C1orf21: variants seen among roughly 807,000 people sequenced by gnomAD.
C1orf21 encodes the protein chromosome 1 open reading frame 21.
Under a neutral mutation model 18.7 loss-of-function variants are expected in C1orf21, and 3 were observed. The ratio of observed to expected loss-of-function variants is 0.16; its 90% confidence interval spans 0.07 to 0.42. The LOEUF (loss-of-function observed/expected upper bound fraction) is 0.42, where lower values mean the gene tolerates loss of function less well. Ranked by LOEUF, C1orf21 falls within the 10% of genes least tolerant of loss-of-function variation. The pLI, the probability that C1orf21 is intolerant of heterozygous loss-of-function variation, is 0.99. For missense variants in C1orf21, 104 were observed against 143.6 expected (o/e 0.72, Z 1.41); for synonymous variants, 41 against 46.4 (o/e 0.88, Z 0.47).
chr1:184,414,398 G>A (rs1656413795), intron 1 of C1orf21, among the ~76,000 whole-genome samples: 1 of 152,170 alleles, frequency 6.6e-6, no homozygotes, highest in Non-Finnish European at 1.5e-5. Context: ...CAAAGTGTGA[G>A]ATGATAGGTG....
At chr1:184,440,204 C>T (rs1234569288) in intron 1 of C1orf21, among the ~76,000 whole-genome samples, 1 of 152,062 alleles carries the variant, frequency 6.6e-6, no homozygotes, top group African/African-American at 2.4e-5. Flanking sequence ...CATCAGAAAA[C>T]ATATTGATTT....
At chr1:184,501,236 C>T (rs761265464) in intron 2 of C1orf21, among the ~76,000 whole-genome samples, 4 of 152,152 alleles carry the variant, frequency 2.6e-5, no homozygotes, top group African/African-American at 7.2e-5. Context: ...ATAAGGTCTT[C>T]GGTTCCTGTA....
intron 3 of C1orf21, among the ~76,000 whole-genome samples, chr1:184,553,028 T>C (rs1169965521): frequency 2.0e-5 from 3 of 152,198 alleles, no homozygotes; most frequent in Non-Finnish European, 4.4e-5. Flanking sequence ...AAGCTCTTGG[T>C]CTACTCCTGG....
intron 5 of C1orf21, among the ~76,000 whole-genome samples, chr1:184,614,540 G>A (rs1245341972): frequency 8.6e-6 from 1 of 116,464 alleles, no homozygotes; most frequent in Non-Finnish European, 1.7e-5. Context: ...CCAGGGACTG[G>A]TTTTGTGGAA....
In C1orf21 at chr1:184,595,620, A is replaced by G. The variant is rs146098682; in HGVS notation, c.267-2781A>G. 9.8e-5 allele frequency among the ~76,000 whole-genome samples: 15 copies of G among 152,288 alleles called. No homozygotes were observed. The South Asian group carries it at 1.7e-3, about 17-fold the overall frequency. ...CTCTTCTTCTCCCTGAAACAATCCA[A>G]TGGAGAACAGCAGAGTAGGCCTCAT... On this transcript the variant is annotated intron_variant, in intron 4 of 5. Coordinates refer to ENST00000235307, the MANE Select transcript of C1orf21 (RefSeq NM_030806.4).
Position 184,619,687 on chromosome 1 carries a change from G to A in C1orf21, c.*131G>A, listed in dbSNP as rs1659885543. 1.0e-5 allele frequency: 7 copies of A among 697,792 alleles called. No individual in the cohort carries two copies. Among genetic ancestry groups the A allele is most frequent in the Admixed American group, 3.0e-5 (1 of 32,876 alleles). 43.2% of individuals were successfully genotyped at this position (697,792 alleles called of 1,614,324 possible). A position where few individuals can be genotyped will look rare whatever the true frequency, so the allele number is the denominator to read the frequency against. On this transcript the variant is annotated 3_prime_UTR_variant, in exon 6 of 6. Transcript: ENST00000235307. The stretch of plus-strand genomic sequence containing the variant: ...AAAAGAAGATCGTTCCATATTGTAC[G>A]CCCCATTAAATTACAGTGTTTCTTA...
chr1:184,622,108 G>A lies in C1orf21; in HGVS notation c.*2552G>A, dbSNP rs564486530. On this transcript the variant is annotated 3_prime_UTR_variant, in exon 6 of 6. Transcript: ENST00000235307. ...ATATTTTGCCTTTTTTTCCCCACGT[G>A]TATCTGAACATTAAGCAGATTGGCT... 1.3e-5 allele frequency: 2 copies of A among 152,036 alleles called. No homozygotes were observed. The highest frequency in any genetic ancestry group is 2.4e-5 in the African/African-American group (1 of 41,384). The allele number at this position is 152,036 out of a possible 1,614,324, so 9.4% of individuals were successfully genotyped here.
chr1:184,415,496 CT>C (rs1295677753), intron 1 of C1orf21, among the ~76,000 whole-genome samples: 1 of 152,086 alleles, frequency 6.6e-6, no homozygotes, highest in Non-Finnish European at 1.5e-5. Context: ...TGGAGGTGGT[CT>C]GTGAGCCACA....
intron 1 of C1orf21, among the ~76,000 whole-genome samples, chr1:184,455,040 A>T (rs549885829): frequency 1.3e-5 from 2 of 152,178 alleles, no homozygotes; most frequent in Non-Finnish European, 2.9e-5. Context: ...CAGGGGGGAC[A>T]ATCAATTATG....
chr1:184,602,586 C>T (rs1325979108), intron 5 of C1orf21, among the ~76,000 whole-genome samples: 2 of 152,238 alleles, frequency 1.3e-5, no homozygotes, highest in South Asian at 2.1e-4. Context: ...TGACAGTTTT[C>T]TGTGGAGCAA....
chr1:184,567,957 C>T (rs745759424), intron 3 of C1orf21: 12 of 193,300 alleles, frequency 6.2e-5, no homozygotes, highest in Non-Finnish European at 9.4e-5. Context: ...TAATCCACAA[C>T]CCAGCCATTG....
intron 5 of C1orf21, among the ~76,000 whole-genome samples, chr1:184,616,696 G>GTGCGCACGTGTGTGTGCTTGTGTT (rs1342733003): frequency 8.8e-4 from 127 of 144,036 alleles, no homozygotes; most frequent in Admixed American, 1.6e-3. Context: ...GTGCTTGTGT[G>GTGCGCACGTGTGTGTGCTTGTGTT]TGCACACGTG....
intron 4 of C1orf21, among the ~76,000 whole-genome samples, chr1:184,595,856 A>T (rs542957730): frequency 6.6e-6 from 1 of 151,894 alleles, no homozygotes; most frequent in African/African-American, 2.4e-5. Context: ...CTGGTGTGTG[A>T]CTCTTCTTCG....
At chr1:184,458,282 A>G (rs1329808133) in intron 1 of C1orf21, among the ~76,000 whole-genome samples, 2 of 152,062 alleles carry the variant, frequency 1.3e-5, no homozygotes, top group Admixed American at 6.5e-5. Context: ...TTACTATTTT[A>G]TTATGTAAGA....
intron 3 of C1orf21, among the ~76,000 whole-genome samples, chr1:184,533,370 G>C (rs1658499232): frequency 6.6e-6 from 1 of 152,152 alleles, no homozygotes; most frequent in South Asian, 2.1e-4. Context: ...GTTAATAGCT[G>C]TTTCCCCAGT....
chr1:184,528,692 G>A (rs1293600640), intron 3 of C1orf21, among the ~76,000 whole-genome samples: 7 of 152,130 alleles, frequency 4.6e-5, no homozygotes, highest in African/African-American at 7.2e-5. Context: ...TGATCCACCC[G>A]CCTCAGCCTC....
chr1:184,546,608 A>C (rs967994611), intron 3 of C1orf21, among the ~76,000 whole-genome samples: 30 of 152,110 alleles, frequency 2.0e-4, no homozygotes, highest in Non-Finnish European at 3.7e-4. Flanking sequence ...CAGACCACAG[A>C]CTCTGTTAAG....
At chr1:184,560,150 A>G (rs1473107021) in intron 3 of C1orf21, among the ~76,000 whole-genome samples, 1 of 152,220 alleles carries the variant, frequency 6.6e-6, no homozygotes, top group Non-Finnish European at 1.5e-5. Flanking sequence ...AAGAATTCAT[A>G]TAAGATGCCT....
At chr1:184,468,746 C>A (rs1226172488) in intron 1 of C1orf21, among the ~76,000 whole-genome samples, 3 of 151,658 alleles carry the variant, frequency 2.0e-5, no homozygotes, top group Admixed American at 6.6e-5. Context: ...TGGTGAAACA[C>A]CGTCTCTACT....
Sources: allele counts gnomAD v4.1 joint callset (sites outside exome capture counted in the v4.1 genomes callset), GRCh38; gene constraint gnomAD v4.1.1; transcripts MANE v1.5; gene names NCBI Gene and HGNC (gene_info 2026-07-23, HGNC 2026-07-21).